C1QTNF3: variants seen among roughly 807,000 people sequenced by gnomAD.
The protein encoded by C1QTNF3 is C1q and TNF related 3.
Under a neutral mutation model 32.6 loss-of-function variants are expected in C1QTNF3, and 26 were observed. The ratio of observed to expected loss-of-function variants is 0.80; its 90% CI spans 0.58 to 1.11. The LOEUF is 1.11. Among genes scored for constraint, C1QTNF3 ranks in the 50% least tolerant of loss-of-function variants. The probability of loss-of-function intolerance (pLI) is 0.00; values close to 1 mark genes in which losing one functional copy is unlikely to be tolerated. For missense variants in C1QTNF3, 362 were observed against 398.2 expected (o/e 0.91, Z 0.77); for synonymous variants, 155 against 146.0 (o/e 1.06, Z -0.44).
the C1QTNF3 span, among the ~76,000 whole-genome samples, chr5:34,235,420 T>C: frequency 4.6e-5 from 7 of 152,036 alleles, no homozygotes; most frequent in African/African-American, 1.4e-4. Flanking sequence ...ATTAATATCC[T>C]ACAATGCAAA....
chr5:34,176,629 T>C, the C1QTNF3 span, among the ~76,000 whole-genome samples: 1 of 152,268 alleles, frequency 6.6e-6, no homozygotes, highest in East Asian at 1.9e-4. Context: ...ATGTCTGTCA[T>C]CCAAGCACTT....
the C1QTNF3 span, among the ~76,000 whole-genome samples, chr5:34,051,526 TA>T: frequency 2.4e-3 from 365 of 152,230 alleles, 1 homozygote; most frequent in African/African-American, 7.9e-3. Flanking sequence ...TAAACCAAAT[TA>T]ATGGATTAAG....
chr5:34,164,289 T>C, the C1QTNF3 span, among the ~76,000 whole-genome samples: 3 of 152,108 alleles, frequency 2.0e-5, no homozygotes, highest in South Asian at 2.1e-4. Flanking sequence ...AAATGATCAA[T>C]GGTACGAGAT....
At chr5:34,146,869 G>T in the C1QTNF3 span, among the ~76,000 whole-genome samples, 2 of 152,240 alleles carry the variant, frequency 1.3e-5, no homozygotes, top group Middle Eastern at 6.8e-3. Flanking sequence ...TTACAAAGTA[G>T]ACAACCTATA....
chr5:34,154,776 C>G, the C1QTNF3 span, among the ~76,000 whole-genome samples: 2 of 152,096 alleles, frequency 1.3e-5, no homozygotes, highest in Non-Finnish European at 2.9e-5. Context: ...AGAAAGTGAA[C>G]TATCTCTGGG....
the C1QTNF3 span, among the ~76,000 whole-genome samples, chr5:34,223,333 T>G: frequency 1.3e-5 from 2 of 151,186 alleles, no homozygotes; most frequent in African/African-American, 4.9e-5. Flanking sequence ...TCCATGTCCC[T>G]ACAAAGGACA....
chr5:34,048,386 G>T, the C1QTNF3 span, among the ~76,000 whole-genome samples: 1 of 151,796 alleles, frequency 6.6e-6, no homozygotes, highest in South Asian at 2.1e-4. Flanking sequence ...TCCAAACAGA[G>T]AAACAGAAAC....
the C1QTNF3 span, among the ~76,000 whole-genome samples, chr5:34,090,192 C>A: frequency 6.7e-6 from 1 of 149,924 alleles, no homozygotes; most frequent in Non-Finnish European, 1.5e-5. Context: ...TATGGACGAT[C>A]ATAAAAATTA....
At chr5:34,148,283 G>C in the C1QTNF3 span, among the ~76,000 whole-genome samples, 1 of 136,920 alleles carries the variant, frequency 7.3e-6, no homozygotes, top group Admixed American at 7.4e-5. Flanking sequence ...TGGGGGAGGG[G>C]CGCCCGCCAT....
the C1QTNF3 span, among the ~76,000 whole-genome samples, chr5:34,084,401 A>C: frequency 6.6e-6 from 1 of 151,752 alleles, no homozygotes; most frequent in African/African-American, 2.4e-5. Context: ...GCTGTTCTAG[A>C]GCAATAAAGA....
At chr5:34,035,492 C>G (rs1229489128) in intron 2 of C1QTNF3, among the ~76,000 whole-genome samples, 155 bp downstream of exon 2, 1 of 152,200 alleles carries the variant, frequency 6.6e-6, no homozygotes, top group Non-Finnish European at 1.5e-5. Context: ...TGTTGAGGAG[C>G]CTCCCAGCCT....
the C1QTNF3 span, among the ~76,000 whole-genome samples, chr5:34,213,708 G>GTATATATATGTGTA: frequency 1.3e-4 from 17 of 134,324 alleles, no homozygotes; most frequent in African/African-American, 4.2e-4. Flanking sequence ...ATATATATGT[G>GTATATATATGTGTA]TATATATATG....
chr5:34,236,444 T>A, the C1QTNF3 span, among the ~76,000 whole-genome samples: 1 of 151,692 alleles, frequency 6.6e-6, no homozygotes, highest in Non-Finnish European at 1.5e-5. Flanking sequence ...GTGTAAAACC[T>A]CATTGTAAAA....
At chr5:34,059,196 G>A in the C1QTNF3 span, among the ~76,000 whole-genome samples, 1 of 152,108 alleles carries the variant, frequency 6.6e-6, no homozygotes, top group African/African-American at 2.4e-5. Flanking sequence ...TGTACAGGGT[G>A]TGTGTCTCCT....
chr5:34,195,556 G>A, the C1QTNF3 span, among the ~76,000 whole-genome samples: 4 of 152,030 alleles, frequency 2.6e-5, no homozygotes, highest in Non-Finnish European at 4.4e-5. Context: ...AAATTCATAT[G>A]ATAGGCCGGG....
chr5:34,126,981 G>A, the C1QTNF3 span, among the ~76,000 whole-genome samples: 8 of 152,138 alleles, frequency 5.3e-5, no homozygotes, highest in African/African-American at 1.9e-4. Flanking sequence ...TTGAATGTGT[G>A]TGGCACTTCC....
the C1QTNF3 span, among the ~76,000 whole-genome samples, chr5:34,121,119 C>T: frequency 6.6e-6 from 1 of 152,050 alleles, no homozygotes; most frequent in Non-Finnish European, 1.5e-5. Flanking sequence ...TTTGAAAATT[C>T]CCATAGTGTG....
the C1QTNF3 span, among the ~76,000 whole-genome samples, chr5:34,153,863 A>G: frequency 1.3e-5 from 2 of 149,932 alleles, no homozygotes; most frequent in African/African-American, 4.9e-5. Context: ...TAAAAAAAAA[A>G]AAAAAAAAAA....
the C1QTNF3 span, among the ~76,000 whole-genome samples, chr5:34,092,306 T>G: frequency 6.6e-6 from 1 of 151,822 alleles, no homozygotes; most frequent in Admixed American, 6.6e-5. Flanking sequence ...CATGGCATCA[T>G]GGAAGACATG....
Sources: allele counts gnomAD v4.1 joint callset (sites outside exome capture counted in the v4.1 genomes callset), GRCh38; gene constraint gnomAD v4.1.1; transcripts MANE v1.5; gene names NCBI Gene and HGNC (gene_info 2026-07-23, HGNC 2026-07-21).